The following LTBP1 variants were observed in gnomAD, a reference collection of about 807,000 sequenced individuals.
The protein encoded by LTBP1 is latent-transforming growth factor beta-binding protein 1.
A neutral mutation model predicts 207.6 loss-of-function variants in LTBP1; 129 were observed. The ratio of observed to expected loss-of-function variants is 0.62; its 90% CI spans 0.54 to 0.72. The LOEUF is 0.72. Ranked by LOEUF, LTBP1 falls within the 30% of genes least tolerant of loss-of-function variation. The pLI, the probability that LTBP1 is intolerant of heterozygous loss-of-function variation, is 0.00. For missense variants in LTBP1, 2,281 were observed against 2,217.2 expected, an observed-to-expected ratio of 1.03 and a Z score of -0.58; for synonymous variants, 963 against 833.7, an observed-to-expected ratio of 1.16 and a Z score of -2.67.
chr2:33,204,593 T>C (rs1479590193), intron 7 of LTBP1, among the ~76,000 whole-genome samples: 2 of 152,136 alleles, frequency 1.3e-5, no homozygotes, highest in African/African-American at 2.4e-5. Flanking sequence ...TTTTTCTTTT[T>C]TTAAGAGATA....
intron 32 of LTBP1, among the ~76,000 whole-genome samples, chr2:33,394,077 G>A (rs945142698): frequency 6.6e-6 from 1 of 152,110 alleles, no homozygotes; most frequent in Non-Finnish European, 1.5e-5. Context: ...TCTTTTGGCT[G>A]CATAAATGTC....
intron 18 of LTBP1, among the ~76,000 whole-genome samples, chr2:33,277,195 C>G (rs1417664138): frequency 6.6e-6 from 1 of 152,222 alleles, no homozygotes; most frequent in Non-Finnish European, 1.5e-5. Context: ...GCAGCCTACA[C>G]TTGCCCCTCC....
At chr2:33,300,676 A>T in intron 21 of LTBP1, 103 bp downstream of exon 21, 3 of 1,221,266 alleles carry the variant, frequency 2.5e-6, no homozygotes, top group Non-Finnish European at 3.3e-6. Flanking sequence ...AATTACCCAG[A>T]TAATTGCATT....
chr2:33,347,736 C>T (rs2094723414), intron 26 of LTBP1, among the ~76,000 whole-genome samples: 2 of 152,172 alleles, frequency 1.3e-5, no homozygotes, highest in Admixed American at 6.5e-5. Context: ...CTATCCAAAC[C>T]AGAGATGCCT....
At chr2:33,329,880 A>G (rs2094474325) in intron 24 of LTBP1, among the ~76,000 whole-genome samples, 1 of 152,044 alleles carries the variant, frequency 6.6e-6, no homozygotes, top group Admixed American at 6.5e-5. Context: ...TTGCATTTCT[A>G]TATAAATTTT....
chr2:33,215,155 A>T (rs1454378), intron 7 of LTBP1, among the ~76,000 whole-genome samples: 1 of 151,858 alleles, frequency 6.6e-6, no homozygotes, highest in Non-Finnish European at 1.5e-5. Flanking sequence ...TAATAATAAT[A>T]ATGATAATGG....
intron 7 of LTBP1, among the ~76,000 whole-genome samples, chr2:33,207,095 A>C (rs935852871): frequency 1.3e-5 from 2 of 152,200 alleles, no homozygotes; most frequent in African/African-American, 4.8e-5. Context: ...TGACTGTTGA[A>C]ATGTTCAAAT....
intron 10 of LTBP1, 101 bp downstream of exon 10, chr2:33,243,885 A>G: frequency 7.5e-7 from 1 of 1,327,264 alleles, no homozygotes; most frequent in South Asian, 1.3e-5. Flanking sequence ...GCTTGTAAAT[A>G]TACAGGAAAA....
intron 11 of LTBP1, among the ~76,000 whole-genome samples, chr2:33,255,914 A>G (rs997084330): frequency 1.7e-4 from 26 of 152,198 alleles, no homozygotes; most frequent in African/African-American, 6.0e-4. Context: ...CTTGGTGTCT[A>G]CATTTGGTAA....
intron 7 of LTBP1, among the ~76,000 whole-genome samples, chr2:33,209,142 G>A (rs1427188910): frequency 3.9e-5 from 6 of 151,970 alleles, no homozygotes; most frequent in Admixed American, 1.3e-4. Flanking sequence ...CAAAGTGCTG[G>A]GATTACAGGT....
Position 32,947,247 on chromosome 2 carries a change from G to A in LTBP1, c.-78G>A, listed in dbSNP as rs1023442633. On this transcript the variant is annotated 5_prime_UTR_variant, in exon 1 of 34. Coordinates refer to ENST00000404816, the MANE Select transcript of LTBP1 (RefSeq NM_206943.4). The stretch of plus-strand genomic sequence containing the variant: ...CGGCAGCTCTCGGGGGAGCCCGAAC[G>A]CGCGGGGAAAGGCGAGCCGCACGGC... 3 of 1,110,172 alleles carry A rather than the reference G, an allele frequency of 2.7e-6. No homozygotes were observed. The highest frequency in any genetic ancestry group is 8.9e-5 in the Admixed American group (2 of 22,460). 68.8% of individuals were successfully genotyped at this position (1,110,172 alleles called of 1,614,324 possible). A position where few individuals can be genotyped will look rare whatever the true frequency, so the allele number is the denominator to read the frequency against.
intron 9 of LTBP1, among the ~76,000 whole-genome samples, chr2:33,242,534 C>T (rs1161534024): frequency 6.6e-6 from 1 of 152,036 alleles, no homozygotes; most frequent in South Asian, 2.1e-4. Flanking sequence ...TTCCTGCCTT[C>T]TTTCTTCCTC....
intron 3 of LTBP1, among the ~76,000 whole-genome samples, chr2:33,083,220 T>C (rs533605455): frequency 3.9e-5 from 6 of 151,990 alleles, no homozygotes; most frequent in African/African-American, 1.4e-4. Context: ...TCAGGATCAT[T>C]TGTAGGCTAG....
chr2:33,012,389 G>T (rs1185635694), intron 2 of LTBP1, among the ~76,000 whole-genome samples: 2 of 152,128 alleles, frequency 1.3e-5, no homozygotes, highest in Non-Finnish European at 2.9e-5. Context: ...CACATTTTTT[G>T]ATTTTCTCTC....
At chr2:33,197,030 ACATTT>A (rs2088643337) in intron 7 of LTBP1, among the ~76,000 whole-genome samples, 1 of 152,214 alleles carries the variant, frequency 6.6e-6, no homozygotes. Context: ...AGGGAAAAAA[ACATTT>A]CTATTGTTTT....
At chr2:33,220,791 A>G (rs946859927) in intron 8 of LTBP1, among the ~76,000 whole-genome samples, 2 of 152,202 alleles carry the variant, frequency 1.3e-5, no homozygotes, top group Admixed American at 6.5e-5. Flanking sequence ...GGACTCCCAC[A>G]CGCCCATATC....
At chr2:32,979,749 A>T (rs1409972615) in intron 2 of LTBP1, among the ~76,000 whole-genome samples, 1 of 152,110 alleles carries the variant, frequency 6.6e-6, no homozygotes, top group Admixed American at 6.5e-5. Context: ...TTCTGTCTGG[A>T]TGATGTGTCT....
chr2:33,382,331 G>T (rs1453226182), intron 31 of LTBP1, among the ~76,000 whole-genome samples: 1 of 151,930 alleles, frequency 6.6e-6, no homozygotes, highest in Non-Finnish European at 1.5e-5. Flanking sequence ...CTGACTGTAG[G>T]TGATCCACCC....
At chr2:33,329,762 T>A (rs1333592645) in intron 24 of LTBP1, among the ~76,000 whole-genome samples, 1 of 152,152 alleles carries the variant, frequency 6.6e-6, no homozygotes, top group African/African-American at 2.4e-5. Context: ...GTACCATTTG[T>A]ACATTGTCCT....
Sources: gnomAD v4.1 joint callset for allele counts (sites outside exome capture counted in the v4.1 genomes callset) on GRCh38, gnomAD v4.1.1 for gene constraint, MANE v1.5 for transcripts, NCBI Gene and HGNC (gene_info 2026-07-23, HGNC 2026-07-21) for gene names.